ADCY1: variants seen among roughly 807,000 people sequenced by gnomAD.
ADCY1 encodes adenylate cyclase type 1.
ADCY1 carries 28 observed loss-of-function variants against 105.4 expected under a neutral mutation model. The observed-to-expected ratio is 0.27, with a 90% confidence interval of 0.20 to 0.36. The LOEUF is 0.36. Among genes scored for constraint, ADCY1 ranks in the 10% least tolerant of loss-of-function variants. ADCY1 has a pLI of 1.00. For missense variants in ADCY1, 977 were observed against 1,434.2 expected, an observed-to-expected ratio of 0.68 and a Z score of 5.15; for synonymous variants, 655 against 623.8, an observed-to-expected ratio of 1.05 and a Z score of -0.75.
intron 2 of ADCY1, among the ~76,000 whole-genome samples, chr7:45,601,079 T>TG (rs1328415467): frequency 6.6e-6 from 1 of 152,182 alleles, no homozygotes; most frequent in Non-Finnish European, 1.5e-5. Context: ...AATAAGGAGA[T>TG]GCTGCGTGTG....
Position 45,686,747 on chromosome 7 carries a change from G to C in ADCY1, c.2454+74G>C. The C allele has an allele frequency of 1.3e-6, 2 of 1,524,432 alleles. No homozygotes were observed. Among genetic ancestry groups the C allele is most frequent in the South Asian group, 2.5e-5 (2 of 78,486 alleles). 94.4% of individuals were successfully genotyped at this position (1,524,432 alleles called of 1,614,324 possible). On this transcript the variant is annotated intron_variant, in intron 14 of 19. Coordinates refer to ENST00000297323, the MANE Select transcript of ADCY1 (RefSeq NM_021116.4). This position sits in a 1 kb window ranked among gnomAD's most constrained non-coding sequence, Gnocchi z 4.3. ...AAGAAGTCTTCAGCAAGCATCTGAC[G>C]GGGGCTGCCACAGACACCCACACGC...
At chr7:45,690,729 G>C (rs886731791) in intron 14 of ADCY1, among the ~76,000 whole-genome samples, 1 of 152,270 alleles carries the variant, frequency 6.6e-6, no homozygotes, top group Non-Finnish European at 1.5e-5. Context: ...GCCACACCAG[G>C]TAATAGGAAA....
intron 8 of ADCY1, among the ~76,000 whole-genome samples, chr7:45,667,864 T>C (rs1204015880): frequency 2.6e-5 from 4 of 152,230 alleles, no homozygotes; most frequent in African/African-American, 7.2e-5. Context: ...TAAGTTGGAT[T>C]CCTAGGTATT....
chr7:45,575,222 A>C lies in ADCY1; in HGVS notation c.639+40A>C. ...GCACCCCTCATCTGGTCTCGGACAC[A>C]CTTGCTGGGACGATGCTGGGAATGC... is the stretch of plus-strand genomic sequence containing the variant. On this transcript the variant is annotated intron_variant, in intron 1 of 19. Coordinates refer to ENST00000297323, the MANE Select transcript of ADCY1 (RefSeq NM_021116.4). The surrounding 1 kb of genome is among the most constrained non-coding windows in gnomAD (Gnocchi z 4.7). 3 of 1,529,212 alleles carry C rather than the reference A, an allele frequency of 2.0e-6. No homozygotes were observed. The highest frequency in any genetic ancestry group is 2.6e-6 in the Non-Finnish European group (3 of 1,143,646). The allele number at this position is 1,529,212 out of a possible 1,614,324, so 94.7% of individuals were successfully genotyped here.
intron 2 of ADCY1, among the ~76,000 whole-genome samples, chr7:45,607,752 G>A (rs1277200942): frequency 6.6e-6 from 1 of 152,182 alleles, no homozygotes; most frequent in Non-Finnish European, 1.5e-5. Context: ...CTGCATCCAT[G>A]TTGCTGTAAA....
In ADCY1 at chr7:45,712,251, C is replaced by CTTT. The variant is rs5883941; in HGVS notation, c.3058-1433_3058-1431dup. ...TATATAAATATATATATACTTACAC[C>CTTT]TTTTTTTTTTTACAGTGTACTTTTT... On this transcript the variant is annotated intron_variant, in intron 19 of 19. Coordinates refer to ENST00000297323, the MANE Select transcript of ADCY1 (RefSeq NM_021116.4). Among the ~76,000 whole-genome samples, 5 of 135,424 alleles carry CTTT rather than the reference C, an allele frequency of 3.7e-5. No individual in the cohort carries two copies. In the East Asian group the frequency reaches 1.0e-3, roughly 28 times the overall value. 88.8% of individuals were successfully genotyped at this position (135,424 alleles called of 152,430 possible).
intron 8 of ADCY1, among the ~76,000 whole-genome samples, chr7:45,668,546 G>T (rs1308231740): frequency 1.3e-5 from 2 of 152,172 alleles, no homozygotes; most frequent in East Asian, 3.8e-4. Context: ...TTTTACTGAG[G>T]ATTTTTGCTT....
intron 2 of ADCY1, among the ~76,000 whole-genome samples, chr7:45,607,284 A>T (rs1256926384): frequency 2.6e-5 from 4 of 152,148 alleles, no homozygotes; most frequent in African/African-American, 9.7e-5. Context: ...GATGTGATCC[A>T]TGAAACCCTC....
intron 8 of ADCY1, among the ~76,000 whole-genome samples, chr7:45,673,605 G>T (rs1784401405): frequency 1.3e-5 from 2 of 152,080 alleles, no homozygotes; most frequent in Non-Finnish European, 2.9e-5. Flanking sequence ...TGCCTGCAGA[G>T]TATGTAGTAA....
intron 17 of ADCY1, among the ~76,000 whole-genome samples, chr7:45,705,229 A>G (rs527768168): frequency 6.6e-6 from 1 of 152,322 alleles, no homozygotes; most frequent in African/African-American, 2.4e-5. Flanking sequence ...TCTGTAGGCC[A>G]GCATTACCTG....
In ADCY1 at chr7:45,686,766, C is replaced by T. The variant is rs1784685589; in HGVS notation, c.2454+93C>T. 1 of 1,494,676 alleles carries T rather than the reference C, an allele frequency of 6.7e-7. No homozygotes were observed. The highest frequency in any genetic ancestry group is 1.4e-5 in the African/African-American group (1 of 72,420). The allele number at this position is 1,494,676 out of a possible 1,614,324, so 92.6% of individuals were successfully genotyped here. ...TCTGACGGGGGCTGCCACAGACACCCACACGCCGTATGGCCCTCGGAGGGC... is the reference window on the plus strand; with the variant it reads ...TCTGACGGGGGCTGCCACAGACACCTACACGCCGTATGGCCCTCGGAGGGC... On this transcript the variant is annotated intron_variant, in intron 14 of 19. Transcript: ENST00000297323. This position sits in a 1 kb window ranked among gnomAD's most constrained non-coding sequence, Gnocchi z 4.3.
At chr7:45,607,393 T>C (rs1378108048) in intron 2 of ADCY1, among the ~76,000 whole-genome samples, 1 of 152,168 alleles carries the variant, frequency 6.6e-6, no homozygotes, top group Non-Finnish European at 1.5e-5. Context: ...ATGACTGTGT[T>C]CCCAACAACA....
At chr7:45,610,758 GTA>G (rs1562686976) in intron 3 of ADCY1, among the ~76,000 whole-genome samples, 1 of 98,286 alleles carries the variant, frequency 1.0e-5, no homozygotes, top group African/African-American at 3.7e-5. Context: ...TGATGGAGGT[GTA>G]GAGGTGATAG....
chr7:45,670,767 C>T (rs903821365), intron 8 of ADCY1, among the ~76,000 whole-genome samples: 4 of 152,136 alleles, frequency 2.6e-5, no homozygotes, highest in Admixed American at 2.6e-4. Flanking sequence ...CAGTCCCTGA[C>T]CTGAGGGTAG....
At chr7:45,620,910 C>A (rs926587447) in intron 3 of ADCY1, among the ~76,000 whole-genome samples, 6 of 152,158 alleles carry the variant, frequency 3.9e-5, no homozygotes, top group Admixed American at 3.9e-4. Flanking sequence ...CTCTGCCCTT[C>A]TTCAGGACCC....
In ADCY1 at chr7:45,710,723, C is replaced by T. The variant is rs1584347877; in HGVS notation, c.3057+71C>T. The T allele has an allele frequency of 1.5e-5, 23 of 1,524,972 alleles. No homozygotes were observed. The South Asian group carries it at 2.8e-4, about 19-fold the overall frequency. The allele number at this position is 1,524,972 out of a possible 1,614,324, so 94.5% of individuals were successfully genotyped here. A position where few individuals can be genotyped will look rare whatever the true frequency, so the allele number is the denominator to read the frequency against. On this transcript the variant is annotated intron_variant, in intron 19 of 19. Coordinates refer to ENST00000297323, the MANE Select transcript of ADCY1 (RefSeq NM_021116.4). This position sits in a 1 kb window ranked among gnomAD's most constrained non-coding sequence, Gnocchi z 4.7. ...GGTGAGGAAACTGAGGCACAGGGGGCCAGAATTGAATCCCCAGTCTACAGC... is the reference window on the plus strand; with the variant it reads ...GGTGAGGAAACTGAGGCACAGGGGGTCAGAATTGAATCCCCAGTCTACAGC...
intron 5 of ADCY1, among the ~76,000 whole-genome samples, chr7:45,649,693 AAGG>A (rs1794758450): frequency 1.3e-5 from 2 of 152,280 alleles, no homozygotes; most frequent in Middle Eastern, 3.4e-3. Flanking sequence ...GTGTGACTGG[AAGG>A]AGGCGGTTGG....
intron 5 of ADCY1, among the ~76,000 whole-genome samples, chr7:45,650,502 C>T (rs542966000): frequency 1.3e-5 from 2 of 152,234 alleles, no homozygotes; most frequent in African/African-American, 4.8e-5. Flanking sequence ...AGCCCCCACT[C>T]GGTGCTGAGC....
chr7:45,712,768 A>G (rs763484780), intron 19 of ADCY1, among the ~76,000 whole-genome samples: 3 of 152,168 alleles, frequency 2.0e-5, no homozygotes, highest in Admixed American at 6.5e-5. Flanking sequence ...CCTCCAACAT[A>G]ACGCAGAGAT....
Sources: allele counts gnomAD v4.1 joint callset (sites outside exome capture counted in the v4.1 genomes callset), GRCh38; gene constraint gnomAD v4.1.1; non-coding constraint Gnocchi (gnomAD v3.1); transcripts MANE v1.5; gene names NCBI Gene and HGNC (gene_info 2026-07-23, HGNC 2026-07-21).